The following TMEM132C variants were observed in gnomAD, a reference collection of about 807,000 sequenced individuals.
The protein encoded by TMEM132C is transmembrane protein 132C.
Under a neutral mutation model 61.4 loss-of-function variants are expected in TMEM132C, and 29 were observed. The observed-to-expected ratio is 0.47, with a 90% CI of 0.35 to 0.64. The LOEUF is 0.64. Ranked by LOEUF, TMEM132C falls within the 30% of genes least tolerant of loss-of-function variation. The pLI, the probability that TMEM132C is intolerant of heterozygous loss-of-function variation, is 0.00. For missense variants in TMEM132C, 1,408 were observed against 1,476.9 expected (o/e 0.95, Z 0.76); for synonymous variants, 656 against 633.1 (o/e 1.04, Z -0.54).
At chr12:128,449,550 A>G (rs550503535) in intron 2 of TMEM132C, among the ~76,000 whole-genome samples, 1 of 152,352 alleles carries the variant, frequency 6.6e-6, no homozygotes, top group South Asian at 2.1e-4. Context: ...ACTGAAGCCA[A>G]GATGAAACCT....
intron 1 of TMEM132C, among the ~76,000 whole-genome samples, chr12:128,401,231 A>G (rs1027234740): frequency 2.0e-5 from 3 of 152,164 alleles, no homozygotes; most frequent in East Asian, 3.9e-4. Context: ...CATTTACTAT[A>G]TGGTCCTTTA....
chr12:128,329,847 T>G (rs1872627159), intron 1 of TMEM132C, among the ~76,000 whole-genome samples: 1 of 152,174 alleles, frequency 6.6e-6, no homozygotes. Flanking sequence ...GCCAAATATT[T>G]ACTCAAGATT....
At chr12:128,275,546 GTAA>G (rs1323891002) in intron 1 of TMEM132C, among the ~76,000 whole-genome samples, 5 of 152,052 alleles carry the variant, frequency 3.3e-5, no homozygotes, top group African/African-American at 1.2e-4. Flanking sequence ...ATAGTACAGT[GTAA>G]TAATAATAGA....
intron 4 of TMEM132C, among the ~76,000 whole-genome samples, chr12:128,620,232 CAAAAAAAAAAA>C (rs386378194): frequency 1.6e-5 from 1 of 61,994 alleles, no homozygotes. Flanking sequence ...GACCCTGTCT[CAAAAAAAAAAA>C]AAAAAAAAAA....
intron 3 of TMEM132C, 55 bp from the exon 4 acceptor site, chr12:128,616,097 A>T: frequency 6.6e-7 from 1 of 1,525,918 alleles, no homozygotes; most frequent in Non-Finnish European, 8.8e-7. Flanking sequence ...TTATGAGGAG[A>T]GAAGGGTCCT....
rs79927099 is a variant in TMEM132C, at chr12:128,699,969, G to T, written c.2121+2554G>T. ...CATGGTGTTTTCTGGTTTACAAAGA[G>T]CAGAGTAATACTCTCACATTTGGGA... On this transcript the variant is annotated intron_variant, in intron 8 of 8. Transcript: ENST00000435159. Among the ~76,000 whole-genome samples, 17 of 152,278 alleles carry T rather than the reference G, an allele frequency of 1.1e-4. 2 individuals carry two copies. Among genetic ancestry groups the T allele is most frequent in the African/African-American group, 3.9e-4 (16 of 41,558 alleles).
chr12:128,565,024 G>C (rs909343400), intron 3 of TMEM132C, among the ~76,000 whole-genome samples: 4 of 152,172 alleles, frequency 2.6e-5, no homozygotes, highest in Admixed American at 1.3e-4. Flanking sequence ...AATATTATGG[G>C]ATATCTAACT....
chr12:128,387,769 T>C (rs1874632715), intron 1 of TMEM132C, among the ~76,000 whole-genome samples: 1 of 152,024 alleles, frequency 6.6e-6, no homozygotes, highest in South Asian at 2.1e-4. Flanking sequence ...GATCACACCA[T>C]TGCACTCCAG....
intron 2 of TMEM132C, among the ~76,000 whole-genome samples, chr12:128,509,546 C>T (rs773626314): frequency 3.3e-5 from 5 of 152,220 alleles, no homozygotes; most frequent in Non-Finnish European, 7.3e-5. Context: ...TTGCATGACT[C>T]AGTTTCCCAA....
rs116521281 is a variant in TMEM132C, at chr12:128,389,115, C to T, written c.86-25617C>T. On this transcript the variant is annotated intron_variant, in intron 1 of 8. Coordinates refer to ENST00000435159, the MANE Select transcript of TMEM132C (RefSeq NM_001136103.3). The stretch of plus-strand genomic sequence containing the variant: ...CCCAGGGGGTTGGCAGCCTGAGCTC[C>T]AAGCGGTGCTAACTCCTTTACTTTG... Among the ~76,000 whole-genome samples, 1,306 of 152,262 alleles carry T rather than the reference C, an allele frequency of 8.6e-3. 21 individuals carry two copies. The highest frequency in any genetic ancestry group is 0.03 in the African/African-American group (1,249 of 41,548).
At chr12:128,679,707 G>C (rs1593145855) in intron 5 of TMEM132C, among the ~76,000 whole-genome samples, 1 of 152,274 alleles carries the variant, frequency 6.6e-6, no homozygotes, top group East Asian at 1.9e-4. Context: ...ACTATGCTCT[G>C]GGGATACAGT....
rs543147028 is a variant in TMEM132C at position 128,525,187 on chromosome 12, T to A, written c.975-18770T>A. The stretch of plus-strand genomic sequence containing the variant: ...TGAATCATGATTGGTCTAATTCCAA[T>A]CTGTTGTGATAGGCAAGGCCTTTCC... On this transcript the variant is annotated intron_variant, in intron 2 of 8. Coordinates refer to ENST00000435159, the MANE Select transcript of TMEM132C (RefSeq NM_001136103.3). 5.9e-5 allele frequency among the ~76,000 whole-genome samples: 9 copies of A among 152,284 alleles called. 1 individual carries two copies. In the South Asian group the frequency reaches 1.9e-3, roughly 32 times the overall value.
chr12:128,469,806 GTATA>G (rs919119898), intron 2 of TMEM132C, among the ~76,000 whole-genome samples: 1 of 150,156 alleles, frequency 6.7e-6, no homozygotes, highest in Non-Finnish European at 1.5e-5. Context: ...ATTTATGTGT[GTATA>G]TATATACACA....
intron 1 of TMEM132C, among the ~76,000 whole-genome samples, chr12:128,372,287 G>T (rs138217246): frequency 1.3e-5 from 2 of 152,276 alleles, no homozygotes; most frequent in Middle Eastern, 3.4e-3. Context: ...AATTATGTGC[G>T]TGTGTCTGTG....
intron 4 of TMEM132C, among the ~76,000 whole-genome samples, chr12:128,651,151 T>A (rs1047402047): frequency 2.6e-5 from 4 of 152,230 alleles, no homozygotes; most frequent in Admixed American, 2.0e-4. Flanking sequence ...TCACAGTTTT[T>A]TGGGGTAACA....
At chr12:128,378,101 A>G (rs547240112) in intron 1 of TMEM132C, among the ~76,000 whole-genome samples, 34 of 133,290 alleles carry the variant, frequency 2.6e-4, no homozygotes, top group African/African-American at 8.3e-4. Context: ...AGGTGCAAAA[A>G]TAGAGCAGTT....
chr12:128,566,510 C>T (rs75796158), intron 3 of TMEM132C, among the ~76,000 whole-genome samples: 3,168 of 152,284 alleles, frequency 0.021, 110 homozygotes, highest in African/African-American at 0.073. Context: ...ATATTGATTG[C>T]AGCCACACCA....
chr12:128,475,752 T>C (rs1371876926), intron 2 of TMEM132C, among the ~76,000 whole-genome samples: 1 of 152,214 alleles, frequency 6.6e-6, no homozygotes, highest in African/African-American at 2.4e-5. Context: ...AGAGTGAACA[T>C]AGCGGCAACA....
chr12:128,377,694 C>T (rs533958817), intron 1 of TMEM132C, among the ~76,000 whole-genome samples: 1 of 152,324 alleles, frequency 6.6e-6, no homozygotes, highest in East Asian at 1.9e-4. Flanking sequence ...CCGTGGGACA[C>T]ACCCCAGCAT....
Sources: gnomAD v4.1 joint callset for allele counts (sites outside exome capture counted in the v4.1 genomes callset) on GRCh38, gnomAD v4.1.1 for gene constraint, MANE v1.5 for transcripts, NCBI Gene and HGNC (gene_info 2026-07-23, HGNC 2026-07-21) for gene names.